TRERF1: variants seen among roughly 807,000 people sequenced by gnomAD.
TRERF1 encodes transcriptional-regulating factor 1.
In TRERF1, 27 loss-of-function variants were observed where a neutral mutation model predicts 122.9. The observed-to-expected ratio is 0.22, with a 90% CI of 0.16 to 0.30. TRERF1 has a LOEUF of 0.30. Ranked by LOEUF, TRERF1 falls within the 10% of genes least tolerant of loss-of-function variation. TRERF1 has a pLI of 1.00. For missense variants in TRERF1, 1,248 were observed against 1,560.3 expected, an observed-to-expected ratio of 0.80 and a Z score of 3.37; for synonymous variants, 636 against 641.7, an observed-to-expected ratio of 0.99 and a Z score of 0.13.
chr6:42,310,130 G>C (rs541841994), intron 3 of TRERF1, among the ~76,000 whole-genome samples: 1 of 151,900 alleles, frequency 6.6e-6, no homozygotes, highest in African/African-American at 2.4e-5. Flanking sequence ...AAGAAACGGG[G>C]CCTCACTCTG....
At chr6:42,333,755 A>G (rs956753943) in intron 3 of TRERF1, among the ~76,000 whole-genome samples, 4 of 152,212 alleles carry the variant, frequency 2.6e-5, no homozygotes, top group African/African-American at 9.7e-5. Flanking sequence ...CGAGGGCCAC[A>G]TGGGCCCCTC....
Position 42,263,567 on chromosome 6 carries a change from T to C in TRERF1, c.1637A>G (p.Glu546Gly). 6.6e-6 allele frequency: 10 copies of C among 1,515,574 alleles called. No homozygotes were observed. The highest frequency in any genetic ancestry group is 8.8e-6 in the Non-Finnish European group (10 of 1,131,188). The allele number at this position is 1,515,574 out of a possible 1,614,324, so 93.9% of individuals were successfully genotyped here. ...AGGCGGCAGGACCTTCTCTCCTTCCTCCTACACAGACAATAAAGGCTTTGA... is the reference window on the plus strand; with the variant it reads ...AGGCGGCAGGACCTTCTCTCCTTCCCCCTACACAGACAATAAAGGCTTTGA... The change falls in exon 8 of 18, where the codon GAG (glutamate) becomes GGG (glycine). Residue 546 changes from glutamate to glycine, a missense_variant and splice_region_variant. Glu to Gly is a moderately conservative substitution (Grantham distance 98). Coordinates refer to ENST00000372922, the Ensembl canonical transcript of TRERF1. The surrounding 1 kb of genome is among the most constrained non-coding windows in gnomAD (Gnocchi z 5.6).
At chr6:42,264,773 C>T in exon 7 of TRERF1, 1 of 1,614,228 alleles carries the variant, frequency 6.2e-7, no homozygotes, top group Middle Eastern at 1.6e-4. Flanking sequence ...CAGGCAGGTT[C>T]TTGAACTCCT....
chr6:42,364,499 G>T (rs1772355648), intron 2 of TRERF1, among the ~76,000 whole-genome samples: 2 of 152,200 alleles, frequency 1.3e-5, no homozygotes, highest in African/African-American at 2.4e-5. Context: ...AGGTGCTCAA[G>T]AAATAGCTGT....
exon 18 of TRERF1, chr6:42,226,396 C>T (rs1001098519): frequency 6.6e-6 from 1 of 152,212 alleles, no homozygotes; most frequent in Non-Finnish European, 1.5e-5. Context: ...GGGCAGTAGT[C>T]CCTGGGAGAG....
At chr6:42,417,004 C>T (rs747397293) in intron 2 of TRERF1, among the ~76,000 whole-genome samples, 3 of 152,112 alleles carry the variant, frequency 2.0e-5, no homozygotes, top group Non-Finnish European at 4.4e-5. Flanking sequence ...GCCTCCACCC[C>T]AAACCTTACC....
At chr6:42,347,680 C>T (rs1768570218) in intron 3 of TRERF1, among the ~76,000 whole-genome samples, 1 of 152,068 alleles carries the variant, frequency 6.6e-6, no homozygotes. Flanking sequence ...GGACTAAAAA[C>T]AAAAGAAAAG....
chr6:42,255,036 G>A (rs1355860027), intron 12 of TRERF1, 110 bp from the exon 13 acceptor site: 52 of 1,070,136 alleles, frequency 4.9e-5, no homozygotes, highest in East Asian at 4.8e-5. Flanking sequence ...GGTCAGGGGC[G>A]GGGGCACTGG....
intron 13 of TRERF1, among the ~76,000 whole-genome samples, chr6:42,247,167 T>C (rs1226511503): frequency 2.6e-5 from 4 of 151,996 alleles, no homozygotes; most frequent in Non-Finnish European, 4.4e-5. Flanking sequence ...AAAACATGAG[T>C]TGAGTTTTAA....
intron 2 of TRERF1, among the ~76,000 whole-genome samples, chr6:42,433,398 C>A (rs543470998): frequency 7.9e-5 from 12 of 151,782 alleles, no homozygotes; most frequent in African/African-American, 2.2e-4. Context: ...GTGCACAGAG[C>A]TAAAACCTAG....
intron 3 of TRERF1, among the ~76,000 whole-genome samples, chr6:42,335,847 A>G (rs1266617239): frequency 6.6e-6 from 1 of 152,078 alleles, no homozygotes; most frequent in Non-Finnish European, 1.5e-5. Context: ...GTTGCTTCCC[A>G]TGGCTTGACA....
At chr6:42,439,686 A>G (rs1030860957) in intron 2 of TRERF1, among the ~76,000 whole-genome samples, 8 of 152,226 alleles carry the variant, frequency 5.3e-5, no homozygotes, top group African/African-American at 2.4e-5. Flanking sequence ...GGACCCGGTA[A>G]GAAGATGACC....
intron 2 of TRERF1, among the ~76,000 whole-genome samples, chr6:42,381,918 G>C (rs556707595): frequency 6.7e-6 from 1 of 150,310 alleles, no homozygotes; most frequent in East Asian, 1.9e-4. Flanking sequence ...AAGAAGGCTG[G>C]AACTGCCAAT....
At chr6:42,437,513 GA>G (rs1378918300) in intron 2 of TRERF1, among the ~76,000 whole-genome samples, 2 of 152,178 alleles carry the variant, frequency 1.3e-5, no homozygotes, top group African/African-American at 4.8e-5. Context: ...CAAAGGTACT[GA>G]GAGGACATGG....
At chr6:42,347,024 A>G (rs1250779924) in intron 3 of TRERF1, among the ~76,000 whole-genome samples, 1 of 152,194 alleles carries the variant, frequency 6.6e-6, no homozygotes, top group Admixed American at 6.5e-5. Context: ...AAAACCTAGA[A>G]TCACAGCCAC....
intron 15 of TRERF1, among the ~76,000 whole-genome samples, chr6:42,237,268 T>C (rs1337947898): frequency 6.6e-6 from 1 of 152,138 alleles, no homozygotes; most frequent in Non-Finnish European, 1.5e-5. Flanking sequence ...GTTACTGGAA[T>C]AGCTTGGAGT....
At chr6:42,418,709 G>C (rs552079794) in intron 2 of TRERF1, among the ~76,000 whole-genome samples, 38 of 152,192 alleles carry the variant, frequency 2.5e-4, no homozygotes, top group African/African-American at 7.5e-4. Context: ...AGAGAACTGG[G>C]GGCTGCCTGT....
At chr6:42,238,451 A>G (rs35465718) in intron 15 of TRERF1, among the ~76,000 whole-genome samples, 1 of 152,090 alleles carries the variant, frequency 6.6e-6, no homozygotes, top group East Asian at 1.9e-4. Flanking sequence ...ATGGCTCACC[A>G]AAGTGACTAA....
intron 2 of TRERF1, among the ~76,000 whole-genome samples, chr6:42,368,014 C>T (rs1773077846): frequency 6.6e-6 from 1 of 152,168 alleles, no homozygotes; most frequent in South Asian, 2.1e-4. Context: ...ATTGCTCACA[C>T]CAGTATGGGG....
Sources: allele counts gnomAD v4.1 joint callset (sites outside exome capture counted in the v4.1 genomes callset), GRCh38; gene constraint gnomAD v4.1.1; non-coding constraint Gnocchi (gnomAD v3.1); transcripts MANE v1.5; gene names NCBI Gene and HGNC (gene_info 2026-07-23, HGNC 2026-07-21).